The following WDR70 variants were observed in gnomAD, a reference collection of about 807,000 sequenced individuals.
WDR70 encodes the protein WD repeat-containing protein 70.
WDR70 carries 53 observed loss-of-function variants against 88.6 expected under a neutral mutation model. The observed-to-expected ratio is 0.60, with a 90% CI of 0.48 to 0.75. The LOEUF (loss-of-function observed/expected upper bound fraction) is 0.75, where lower values mean the gene tolerates loss of function less well. Among genes scored for constraint, WDR70 ranks in the 30% least tolerant of loss-of-function variants. WDR70 has a pLI of 0.00. For synonymous variants in WDR70, 280 were observed against 270.0 expected, an observed-to-expected ratio of 1.04 and a Z score of -0.36; for missense variants, 610 against 823.2, an observed-to-expected ratio of 0.74 and a Z score of 3.17.
intron 9 of WDR70, among the ~76,000 whole-genome samples, chr5:37,590,192 T>C (rs1180329743): frequency 2.0e-5 from 3 of 152,186 alleles, no homozygotes; most frequent in Non-Finnish European, 4.4e-5. Context: ...ATTCAATGAT[T>C]TTTAATATAT....
intron 9 of WDR70, among the ~76,000 whole-genome samples, chr5:37,527,364 C>G (rs144763750): frequency 0.043 from 6,605 of 152,076 alleles, 471 homozygotes; most frequent in African/African-American, 0.15. Flanking sequence ...ACAAACCTGA[C>G]AAAAACAAGA....
chr5:37,688,188 A>ATT (rs1746670521), intron 10 of WDR70, among the ~76,000 whole-genome samples: 1 of 152,210 alleles, frequency 6.6e-6, no homozygotes, highest in Non-Finnish European at 1.5e-5. Context: ...CCTAAGGGTC[A>ATT]TAGAGCTGTA....
intron 7 of WDR70, among the ~76,000 whole-genome samples, chr5:37,449,644 T>C (rs890718987): frequency 4.6e-5 from 7 of 151,044 alleles, no homozygotes; most frequent in East Asian, 1.9e-4. Flanking sequence ...TAAAATCAAA[T>C]GCTCCAGGCT....
At chr5:37,485,006 C>G (rs932595417) in intron 8 of WDR70, among the ~76,000 whole-genome samples, 10 of 152,176 alleles carry the variant, frequency 6.6e-5, no homozygotes, top group African/African-American at 2.4e-4. Flanking sequence ...GCAGGAGGAA[C>G]TGCATTGTCT....
chr5:37,463,590 A>G (rs1354711336), intron 7 of WDR70, among the ~76,000 whole-genome samples: 1 of 152,104 alleles, frequency 6.6e-6, no homozygotes, highest in Admixed American at 6.5e-5. Context: ...CACAGAAACA[A>G]TTGTGCAATG....
At chr5:37,720,526 C>G (rs80218737) in intron 13 of WDR70, among the ~76,000 whole-genome samples, 12,967 of 152,170 alleles carry the variant, frequency 0.085, 1,760 homozygotes, top group African/African-American at 0.29. Flanking sequence ...TCTTAAACAG[C>G]TTTTCATTTA....
intron 10 of WDR70, among the ~76,000 whole-genome samples, chr5:37,677,480 G>A (rs137910776): frequency 0.37 from 56,062 of 151,508 alleles, 12,019 homozygotes; most frequent in Admixed American, 0.5. Flanking sequence ...TTCTGCCTTC[G>A]TTTCGTTATG....
At chr5:37,612,556 G>C (rs956857986) in intron 10 of WDR70, among the ~76,000 whole-genome samples, 1 of 152,224 alleles carries the variant, frequency 6.6e-6, no homozygotes, top group South Asian at 2.1e-4. Flanking sequence ...AATAACTGCT[G>C]GTCTTCGTCT....
intron 3 of WDR70, among the ~76,000 whole-genome samples, chr5:37,384,333 T>C (rs2111853856): frequency 6.6e-6 from 1 of 151,974 alleles, no homozygotes; most frequent in South Asian, 2.1e-4. Context: ...AGGTTGGTGC[T>C]ACCACACCCC....
intron 9 of WDR70, among the ~76,000 whole-genome samples, chr5:37,594,483 G>A (rs988962768): frequency 1.3e-5 from 2 of 152,084 alleles, no homozygotes; most frequent in African/African-American, 4.8e-5. Context: ...TGGGGCCTCT[G>A]TTCTGTTCCA....
At chr5:37,415,995 C>A (rs553525759) in intron 5 of WDR70, among the ~76,000 whole-genome samples, 1 of 151,244 alleles carries the variant, frequency 6.6e-6, no homozygotes, top group African/African-American at 2.4e-5. Flanking sequence ...GATGGGATGG[C>A]GGCCTGGCAG....
intron 3 of WDR70, among the ~76,000 whole-genome samples, chr5:37,389,687 C>T (rs985211437): frequency 7.9e-5 from 12 of 152,130 alleles, no homozygotes; most frequent in African/African-American, 2.9e-4. Flanking sequence ...GCTGGGATTA[C>T]AGGCGTGAGC....
intron 10 of WDR70, among the ~76,000 whole-genome samples, chr5:37,677,466 T>C (rs1720939522): frequency 6.6e-6 from 1 of 152,300 alleles, no homozygotes; most frequent in East Asian, 1.9e-4. Flanking sequence ...AAGAACATCT[T>C]TATTTCTGCC....
At chr5:37,642,511 A>G (rs1745130678) in intron 10 of WDR70, among the ~76,000 whole-genome samples, 1 of 152,186 alleles carries the variant, frequency 6.6e-6, no homozygotes. Flanking sequence ...TGGGATATCC[A>G]TCACCTCAAA....
At chr5:37,605,944 T>C (rs1395049451) in intron 10 of WDR70, among the ~76,000 whole-genome samples, 2 of 152,214 alleles carry the variant, frequency 1.3e-5, no homozygotes, top group Non-Finnish European at 2.9e-5. Flanking sequence ...AATAAAATTC[T>C]ACACAAACAC....
At chr5:37,406,357 TAA>T (rs1171988049) in intron 5 of WDR70, among the ~76,000 whole-genome samples, 1 of 152,236 alleles carries the variant, frequency 6.6e-6, no homozygotes, top group African/African-American at 2.4e-5. Flanking sequence ...TAGTAGCCAC[TAA>T]AGTCTCCCAG....
At chr5:37,473,729 C>T (rs1739397426) in intron 7 of WDR70, among the ~76,000 whole-genome samples, 1 of 152,200 alleles carries the variant, frequency 6.6e-6, no homozygotes, top group South Asian at 2.1e-4. Context: ...TAGAAAGTCA[C>T]ATGAATTGAC....
intron 9 of WDR70, among the ~76,000 whole-genome samples, chr5:37,597,591 T>C (rs1326117408): frequency 2.0e-5 from 3 of 152,236 alleles, no homozygotes; most frequent in Admixed American, 2.0e-4. Context: ...TGGATACAAG[T>C]TAACACAAGC....
chr5:37,675,237 A>AT (rs1746165559), intron 10 of WDR70, among the ~76,000 whole-genome samples: 1 of 152,068 alleles, frequency 6.6e-6, no homozygotes, highest in African/African-American at 2.4e-5. Flanking sequence ...CTTTAGTTTA[A>AT]TTAGATCCCA....
Sources: gnomAD v4.1 joint callset for allele counts (sites outside exome capture counted in the v4.1 genomes callset) on GRCh38, gnomAD v4.1.1 for gene constraint, MANE v1.5 for transcripts, NCBI Gene and HGNC (gene_info 2026-07-23, HGNC 2026-07-21) for gene names.